CDK19: variants seen among roughly 807,000 people sequenced by gnomAD.
CDK19 encodes the protein cyclin dependent kinase 19.
A neutral mutation model predicts 68.3 loss-of-function variants in CDK19; 20 were observed. The ratio of observed to expected loss-of-function variants is 0.29; its 90% confidence interval spans 0.21 to 0.43. The LOEUF (loss-of-function observed/expected upper bound fraction) is 0.43. Ranked by LOEUF, CDK19 falls within the 20% of genes least tolerant of loss-of-function variation. The pLI is 1.00. For missense variants in CDK19, 339 were observed against 623.5 expected (o/e 0.54, Z 4.86); for synonymous variants, 221 against 222.8 (o/e 0.99, Z 0.07).
chr6:110,657,814 T>C (rs1435041550), intron 4 of CDK19, among the ~76,000 whole-genome samples: 2 of 152,180 alleles, frequency 1.3e-5, no homozygotes, highest in East Asian at 1.9e-4. Flanking sequence ...TTAAGAGAGT[T>C]TGTATGTCAC....
At chr6:110,653,636 G>T (rs1781117854) in intron 4 of CDK19, among the ~76,000 whole-genome samples, 1 of 152,102 alleles carries the variant, frequency 6.6e-6, no homozygotes, top group African/African-American at 2.4e-5. Flanking sequence ...AATAAAATCA[G>T]ATAGATAAAC....
chr6:110,707,047 A>C (rs1428988897), intron 2 of CDK19, among the ~76,000 whole-genome samples: 2 of 150,660 alleles, frequency 1.3e-5, no homozygotes, highest in Non-Finnish European at 2.9e-5. Context: ...ACGGTGGCTC[A>C]CACCTGTAAT....
chr6:110,705,842 T>C (rs1774422869), intron 2 of CDK19, among the ~76,000 whole-genome samples: 1 of 151,988 alleles, frequency 6.6e-6, no homozygotes, highest in African/African-American at 2.4e-5. Flanking sequence ...CATCACACAC[T>C]GGGGCTTGTC....
rs1252378231 is a variant in CDK19, at chr6:110,611,882, G to A, written c.*2653C>T. On this transcript the variant is annotated 3_prime_UTR_variant, in exon 13 of 13. Transcript: ENST00000368911. Reference sequence around the variant, plus strand: ...AATCAGTGGGTAGCACGAACCCTGAGGCAAGGAAAGAGGAGAAAAGAGCCA... The same window carrying A: ...AATCAGTGGGTAGCACGAACCCTGAAGCAAGGAAAGAGGAGAAAAGAGCCA... 1.3e-5 allele frequency: 2 copies of A among 152,192 alleles called. No homozygotes were observed. Among genetic ancestry groups the A allele is most frequent in the African/African-American group, 2.4e-5 (1 of 41,432 alleles). 9.4% of individuals were successfully genotyped at this position (152,192 alleles called of 1,614,324 possible).
At chr6:110,616,149 T>C (rs973323517) in intron 12 of CDK19, among the ~76,000 whole-genome samples, 1 of 152,194 alleles carries the variant, frequency 6.6e-6, no homozygotes, top group African/African-American at 2.4e-5. Flanking sequence ...ACTTTCTCTA[T>C]TGAAATTCCT....
At chr6:110,798,938 TTCAAGACCAGCCTGGGCAGCATGGC>T (rs1782150178) in intron 1 of CDK19, among the ~76,000 whole-genome samples, 1 of 149,640 alleles carries the variant, frequency 6.7e-6, no homozygotes, top group Non-Finnish European at 1.5e-5. Flanking sequence ...AGCCCAAGAG[TTCAAGACCAGCCTGGGCAGCATGGC>T]AAAACCCTGT....
intron 1 of CDK19, among the ~76,000 whole-genome samples, chr6:110,793,330 A>G (rs945460617): frequency 2.0e-5 from 3 of 152,222 alleles, no homozygotes; most frequent in Non-Finnish European, 2.9e-5. Flanking sequence ...TCTCTTCACT[A>G]TTATAAATAC....
chr6:110,756,719 G>C (rs186619075), intron 1 of CDK19, among the ~76,000 whole-genome samples: 53 of 152,018 alleles, frequency 3.5e-4, no homozygotes, highest in African/African-American at 1.2e-3. Flanking sequence ...ATGTTTCTTG[G>C]GCAGACAGCC....
At chr6:110,641,646 AAAGGAAGGAAGGAAGG>A (rs71553305) in intron 4 of CDK19, among the ~76,000 whole-genome samples, 3 of 131,416 alleles carry the variant, frequency 2.3e-5, no homozygotes, top group Non-Finnish European at 4.8e-5. Context: ...AAAGGGAAAG[AAAGGAAGGAAGGAAGG>A]AAGGAAGGAA....
intron 4 of CDK19, among the ~76,000 whole-genome samples, chr6:110,664,414 A>G (rs1781795429): frequency 6.6e-6 from 1 of 152,112 alleles, no homozygotes. Context: ...CATCTATCTT[A>G]TAGTATAATT....
intron 3 of CDK19, among the ~76,000 whole-genome samples, chr6:110,670,156 C>A (rs1408311241): frequency 2.6e-5 from 4 of 151,524 alleles, no homozygotes; most frequent in Non-Finnish European, 5.9e-5. Flanking sequence ...AAACTCCCTT[C>A]CCCGTTCGTC....
At chr6:110,763,378 C>G (rs1779353034) in intron 1 of CDK19, among the ~76,000 whole-genome samples, 1 of 149,502 alleles carries the variant, frequency 6.7e-6, no homozygotes, top group Admixed American at 6.7e-5. Context: ...AAATCAGAAA[C>G]AAAGCAAAGA....
chr6:110,621,015 A>C lies in CDK19; in HGVS notation c.1377+89T>G. On this transcript the variant is annotated intron_variant, in intron 12 of 12. Coordinates refer to ENST00000368911, the MANE Select transcript of CDK19 (RefSeq NM_015076.5). The surrounding 1 kb of genome is among the most constrained non-coding windows in gnomAD (Gnocchi z 5.4). ...ACAGGATTGCACAGTCAAATGTAAG[A>C]GTTAAGTGTTACTTAACTCTAAAAG... is the stretch of plus-strand genomic sequence containing the variant. 1 of 1,233,808 alleles carries C rather than the reference A, an allele frequency of 8.1e-7. No individual in the cohort carries two copies. The highest frequency in any genetic ancestry group is 1.1e-6 in the Non-Finnish European group (1 of 882,750). The allele number at this position is 1,233,808 out of a possible 1,614,324, so 76.4% of individuals were successfully genotyped here. A position where few individuals can be genotyped will look rare whatever the true frequency, so the allele number is the denominator to read the frequency against.
intron 2 of CDK19, among the ~76,000 whole-genome samples, chr6:110,684,901 G>A (rs1390224084): frequency 6.6e-6 from 1 of 152,208 alleles, no homozygotes; most frequent in East Asian, 1.9e-4. Flanking sequence ...CACTTTGGGA[G>A]GCTGAGGCAG....
chr6:110,631,954 G>T, intron 6 of CDK19, 76 bp downstream of exon 6: 2 of 1,344,340 alleles, frequency 1.5e-6, no homozygotes, highest in Non-Finnish European at 2.1e-6. Flanking sequence ...TTTTTATCAA[G>T]TAGCTTTATT....
intron 5 of CDK19, among the ~76,000 whole-genome samples, chr6:110,635,826 T>C (rs1423376148): frequency 6.6e-6 from 1 of 152,174 alleles, no homozygotes; most frequent in Non-Finnish European, 1.5e-5. Context: ...CATGAGCCAC[T>C]GTGCCCAGCC....
chr6:110,646,439 C>G, intron 4 of CDK19: 1 of 1,501,680 alleles, frequency 6.7e-7, no homozygotes, highest in Non-Finnish European at 8.9e-7. Flanking sequence ...CCGCAGCTAC[C>G]CCATGCACCG....
chr6:110,802,505 G>A (rs930369200), intron 1 of CDK19, among the ~76,000 whole-genome samples: 17 of 152,256 alleles, frequency 1.1e-4, no homozygotes, highest in African/African-American at 3.9e-4. Context: ...AGATGGGAAC[G>A]ACAGACACTG....
At chr6:110,625,480 T>C (rs972091446) in intron 8 of CDK19, among the ~76,000 whole-genome samples, 1 of 152,090 alleles carries the variant, frequency 6.6e-6, no homozygotes. Flanking sequence ...GTCCATTTTA[T>C]TGTACCCTTG....
Sources: allele counts gnomAD v4.1 joint callset (sites outside exome capture counted in the v4.1 genomes callset), GRCh38; gene constraint gnomAD v4.1.1; non-coding constraint Gnocchi (gnomAD v3.1); transcripts MANE v1.5; gene names NCBI Gene and HGNC (gene_info 2026-07-23, HGNC 2026-07-21).